Variants in SHISA9 observed in about 807,000 individuals in gnomAD.
SHISA9 encodes protein shisa-9.
Under a neutral mutation model 38.0 loss-of-function variants are expected in SHISA9, and 13 were observed. The ratio of observed to expected loss-of-function variants is 0.34; its 90% CI spans 0.22 to 0.54. SHISA9 has a LOEUF of 0.54. Among genes scored for constraint, SHISA9 ranks in the 20% least tolerant of loss-of-function variants. The probability of loss-of-function intolerance (pLI) is 0.91; values close to 1 mark genes in which losing one functional copy is unlikely to be tolerated. For missense variants in SHISA9, 538 were observed against 575.8 expected (o/e 0.93, Z 0.67); for synonymous variants, 275 against 242.0 (o/e 1.14, Z -1.27).
At chr16:12,968,187 C>G (rs1596554786) in intron 2 of SHISA9, among the ~76,000 whole-genome samples, 1 of 51,878 alleles carries the variant, frequency 1.9e-5, no homozygotes, top group African/African-American at 7.0e-5. Flanking sequence ...AAGGCTCCAT[C>G]TCAAAAAAAA....
At chr16:13,479,849 G>A in the SHISA9 span, among the ~76,000 whole-genome samples, 1 of 152,136 alleles carries the variant, frequency 6.6e-6, no homozygotes, top group Non-Finnish European at 1.5e-5. Flanking sequence ...GTGAAAATTG[G>A]ACCAACAGTG....
At chr16:13,501,500 A>G in the SHISA9 span, among the ~76,000 whole-genome samples, 5 of 152,200 alleles carry the variant, frequency 3.3e-5, no homozygotes, top group Non-Finnish European at 7.3e-5. Context: ...AAGCATGAGC[A>G]TGTCAGTACA....
the SHISA9 span, among the ~76,000 whole-genome samples, chr16:13,277,451 A>T: frequency 6.6e-6 from 1 of 151,410 alleles, no homozygotes; most frequent in East Asian, 1.9e-4. Flanking sequence ...CTAGTTCTGT[A>T]AAGAATGATG....
the SHISA9 span, among the ~76,000 whole-genome samples, chr16:13,521,375 C>G: frequency 6.6e-6 from 1 of 152,160 alleles, no homozygotes; most frequent in Non-Finnish European, 1.5e-5. Context: ...TTCCAAAACC[C>G]CTATACTTTA....
intron 1 of SHISA9, among the ~76,000 whole-genome samples, chr16:12,907,571 A>T (rs1046600376): frequency 2.6e-5 from 4 of 152,180 alleles, no homozygotes; most frequent in Admixed American, 2.6e-4. Context: ...CCGTAATATC[A>T]TCAGACATCC....
intron 2 of SHISA9, among the ~76,000 whole-genome samples, chr16:13,115,067 T>C (rs2074018769): frequency 6.6e-6 from 1 of 152,208 alleles, no homozygotes; most frequent in South Asian, 2.1e-4. Context: ...TATTTATGTA[T>C]CTACCTGTTT....
At chr16:13,059,218 C>T (rs1309091185) in intron 2 of SHISA9, among the ~76,000 whole-genome samples, 1 of 150,776 alleles carries the variant, frequency 6.6e-6, no homozygotes, top group Non-Finnish European at 1.5e-5. Context: ...AGCTCCCCCT[C>T]CCGGGTTCAT....
chr16:13,029,056 T>C (rs1003591648), intron 2 of SHISA9, among the ~76,000 whole-genome samples: 21 of 152,244 alleles, frequency 1.4e-4, no homozygotes, highest in African/African-American at 4.3e-4. Flanking sequence ...TCTCTCCTTT[T>C]AAAATTTTTT....
At chr16:13,297,682 A>T in the SHISA9 span, among the ~76,000 whole-genome samples, 1 of 152,226 alleles carries the variant, frequency 6.6e-6, no homozygotes. Context: ...GCTTCTTGAC[A>T]GTCAGAGAAA....
At chr16:13,218,403 A>G (rs1940598941) in intron 4 of SHISA9, among the ~76,000 whole-genome samples, 1 of 152,202 alleles carries the variant, frequency 6.6e-6, no homozygotes, top group Non-Finnish European at 1.5e-5. Flanking sequence ...AGTTTGCGAC[A>G]CAGCATCCGT....
chr16:13,500,687 T>A, the SHISA9 span, among the ~76,000 whole-genome samples: 1 of 151,884 alleles, frequency 6.6e-6, no homozygotes. Context: ...AGACAGGGAT[T>A]ATGTAACTAC....
At chr16:13,469,383 AAG>A in the SHISA9 span, among the ~76,000 whole-genome samples, 1,835 of 108,728 alleles carry the variant, frequency 0.017, 17 homozygotes, top group East Asian at 0.038. Context: ...GAAAGAAAGA[AAG>A]AAAGAAAGAA....
intron 2 of SHISA9, among the ~76,000 whole-genome samples, chr16:13,126,636 A>G (rs2050259566): frequency 1.4e-5 from 2 of 143,298 alleles, no homozygotes; most frequent in Admixed American, 1.4e-4. Flanking sequence ...AGGGGTGGGG[A>G]GAGAGAGAGG....
At chr16:13,146,773 A>T (rs2050450976) in intron 2 of SHISA9, among the ~76,000 whole-genome samples, 1 of 150,522 alleles carries the variant, frequency 6.6e-6, no homozygotes, top group Admixed American at 6.7e-5. Flanking sequence ...TCCTGAAATC[A>T]TGCTCTTAGG....
chr16:13,343,408 T>C, the SHISA9 span, among the ~76,000 whole-genome samples: 4 of 152,142 alleles, frequency 2.6e-5, no homozygotes, highest in Non-Finnish European at 5.9e-5. Context: ...ACAAATAAAA[T>C]GCTAATCATC....
chr16:13,277,757 G>A, the SHISA9 span, among the ~76,000 whole-genome samples: 12 of 151,780 alleles, frequency 7.9e-5, no homozygotes, highest in African/African-American at 2.9e-4. Flanking sequence ...CTACAGATTT[G>A]TGTACATTAA....
At chr16:13,083,474 T>C (rs771502382) in intron 2 of SHISA9, among the ~76,000 whole-genome samples, 2 of 152,158 alleles carry the variant, frequency 1.3e-5, no homozygotes, top group African/African-American at 2.4e-5. Flanking sequence ...AGGGACACTT[T>C]CCAGAGAAGG....
intron 4 of SHISA9, among the ~76,000 whole-genome samples, chr16:13,217,807 A>T (rs2051185165): frequency 6.6e-6 from 1 of 152,164 alleles, no homozygotes; most frequent in Admixed American, 6.5e-5. Flanking sequence ...AGGTGAGCAG[A>T]TCACTTGAGG....
intron 1 of SHISA9, among the ~76,000 whole-genome samples, chr16:12,915,679 A>T (rs744953): frequency 0.05 from 7,662 of 152,148 alleles, 655 homozygotes; most frequent in African/African-American, 0.18. Flanking sequence ...AAATGTGGGG[A>T]TTGCTTATGA....
Sources: allele counts gnomAD v4.1 joint callset (sites outside exome capture counted in the v4.1 genomes callset), GRCh38; gene constraint gnomAD v4.1.1; transcripts MANE v1.5; gene names NCBI Gene and HGNC (gene_info 2026-07-23, HGNC 2026-07-21).